The following C3orf70 variants were observed in gnomAD, a reference collection of about 807,000 sequenced individuals.
The protein encoded by C3orf70 is chromosome 3 open reading frame 70, also known as UPF0524 protein C3orf70.
Under a neutral mutation model 20.7 loss-of-function variants are expected in C3orf70, and 15 were observed. The observed-to-expected ratio is 0.72, with a 90% confidence interval of 0.48 to 1.11. C3orf70 has a LOEUF of 1.11. C3orf70 is among the 50% of genes most tolerant of loss of function. The pLI is 0.00. For missense variants in C3orf70, 332 were observed against 317.6 expected, an observed-to-expected ratio of 1.05 and a Z score of -0.34; for synonymous variants, 161 against 125.7, an observed-to-expected ratio of 1.28 and a Z score of -1.88.
Position 185,083,051 on chromosome 3 carries a change from G to C in C3orf70, c.709C>G (p.Gln237Glu), listed in dbSNP as rs1232140574. Residue 237 changes from glutamine (Q) to glutamate (E), a missense_variant, in exon 2 of 2, where the codon CAG (glutamine) becomes GAG (glutamate). Coordinates refer to ENST00000335012, the MANE Select transcript of C3orf70 (RefSeq NM_001025266.3). ...GTTTCAATCACTTCCAGGTCAGACT[G>C]CGAGGGGGAGAGAAGGGTGCACTCA... Reference protein sequence around the residue: ...PDECTLLSPSQSDLEVIETIE... With the variant: ...PDECTLLSPSESDLEVIETIE... 4 of 1,614,106 alleles carry C rather than the reference G, an allele frequency of 2.5e-6. No homozygotes were observed. The highest frequency in any genetic ancestry group is 2.2e-5 in the South Asian group (2 of 91,074).
At chr3:185,121,790 G>T (rs1295029235) in intron 1 of C3orf70, among the ~76,000 whole-genome samples, 1 of 152,114 alleles carries the variant, frequency 6.6e-6, no homozygotes, top group Non-Finnish European at 1.5e-5. Context: ...TGAAAATAAA[G>T]AAATAAATTG....
chr3:185,116,539 T>C (rs1236742551), intron 1 of C3orf70, among the ~76,000 whole-genome samples: 1 of 152,182 alleles, frequency 6.6e-6, no homozygotes, highest in Non-Finnish European at 1.5e-5. Flanking sequence ...CCCTGACCTC[T>C]TGCTCACTAG....
chr3:185,121,241 AG>A (rs1716291786), intron 1 of C3orf70, among the ~76,000 whole-genome samples: 1 of 152,040 alleles, frequency 6.6e-6, no homozygotes, highest in Non-Finnish European at 1.5e-5. Flanking sequence ...AAGGGTGGGA[AG>A]GGGATGTGGG....
chr3:185,106,697 G>T (rs1049089779), intron 1 of C3orf70, among the ~76,000 whole-genome samples: 1 of 152,238 alleles, frequency 6.6e-6, no homozygotes, highest in African/African-American at 2.4e-5. Context: ...CGCCACAGCC[G>T]GTAGTGCCGC....
chr3:185,135,505 G>C (rs1320337384), intron 1 of C3orf70, among the ~76,000 whole-genome samples: 1 of 152,142 alleles, frequency 6.6e-6, no homozygotes, highest in Non-Finnish European at 1.5e-5. Context: ...AAAGATGTGG[G>C]GAGGGGATGA....
intron 1 of C3orf70, among the ~76,000 whole-genome samples, chr3:185,114,245 G>C (rs896129832): frequency 6.6e-6 from 1 of 151,564 alleles, no homozygotes; most frequent in African/African-American, 2.4e-5. Context: ...AAAAATAACT[G>C]AAATACCATA....
chr3:185,152,176 G>A (rs1176363327), intron 1 of C3orf70, among the ~76,000 whole-genome samples: 4 of 152,154 alleles, frequency 2.6e-5, no homozygotes, highest in African/African-American at 9.7e-5. Context: ...TTAAATAGCA[G>A]CCCAGGAAGA....
chr3:185,130,979 A>G (rs1303832290), intron 1 of C3orf70, among the ~76,000 whole-genome samples: 4 of 152,190 alleles, frequency 2.6e-5, no homozygotes, highest in Non-Finnish European at 4.4e-5. Flanking sequence ...GTTATCTAGG[A>G]GTAGAATGGC....
rs1258924574 is a variant in C3orf70, at chr3:185,081,526, G to A, written c.*1481C>T. On this transcript the variant is annotated 3_prime_UTR_variant, in exon 2 of 2. Coordinates refer to ENST00000335012, the MANE Select transcript of C3orf70 (RefSeq NM_001025266.3). ...GCGCTTCTGGATAGTTAGGATGGAAGTACTGTTCTGTCTCCAACTCTGATG... is the reference window on the plus strand; with the variant it reads ...GCGCTTCTGGATAGTTAGGATGGAAATACTGTTCTGTCTCCAACTCTGATG... 6.6e-6 allele frequency: 1 copy of A among 152,190 alleles called. No individual in the cohort carries two copies. The highest frequency in any genetic ancestry group is 1.5e-5 in the Non-Finnish European group (1 of 68,046). 9.4% of individuals were successfully genotyped at this position (152,190 alleles called of 1,614,324 possible).
intron 1 of C3orf70, among the ~76,000 whole-genome samples, chr3:185,148,115 T>C (rs911488412): frequency 2.6e-5 from 4 of 152,194 alleles, no homozygotes; most frequent in African/African-American, 9.7e-5. Flanking sequence ...GCTTAATGGT[T>C]TTCTTTACTT....
chr3:185,112,840 A>G (rs1423438230), intron 1 of C3orf70, among the ~76,000 whole-genome samples: 1 of 152,170 alleles, frequency 6.6e-6, no homozygotes, highest in Non-Finnish European at 1.5e-5. Flanking sequence ...ATATCCCTGG[A>G]CTTTGCATGT....
chr3:185,095,504 A>G (rs917794606), intron 1 of C3orf70, among the ~76,000 whole-genome samples: 1 of 152,218 alleles, frequency 6.6e-6, no homozygotes, highest in Non-Finnish European at 1.5e-5. Context: ...TTTATTGATA[A>G]GGGGATGAAA....
At chr3:185,124,247 T>C (rs145883695) in intron 1 of C3orf70, among the ~76,000 whole-genome samples, 25 of 152,290 alleles carry the variant, frequency 1.6e-4, no homozygotes, top group African/African-American at 5.8e-4. Context: ...CAATCCCCCA[T>C]AGGTACCAAG....
intron 1 of C3orf70, among the ~76,000 whole-genome samples, chr3:185,139,188 G>C (rs539471331): frequency 4.0e-5 from 6 of 151,426 alleles, no homozygotes; most frequent in Admixed American, 2.0e-4. Context: ...GAAGGGGAGA[G>C]GGGGGAGGAG....
intron 1 of C3orf70, among the ~76,000 whole-genome samples, chr3:185,119,499 C>T (rs9822095): frequency 0.053 from 7,892 of 149,830 alleles, 666 homozygotes; most frequent in African/African-American, 0.18. Context: ...AAAAATACAG[C>T]CATTTTAACA....
rs567269118 is a variant in C3orf70, at chr3:185,152,925, G to C, written c.-102C>G. ...CTGCGGACGCGGGAGGGCGCGGCAC[G>C]GGCCGGGAGTCACGCCAGCACGCGG... is the stretch of plus-strand genomic sequence containing the variant. On this transcript the variant is annotated 5_prime_UTR_variant, in exon 1 of 2. Coordinates refer to ENST00000335012, the MANE Select transcript of C3orf70 (RefSeq NM_001025266.3). The C allele has an allele frequency of 8.7e-4, 965 of 1,109,744 alleles. 8 individuals carry two copies. In the African/African-American group the frequency reaches 0.015, roughly 17 times the overall value. The allele number at this position is 1,109,744 out of a possible 1,614,324, so 68.7% of individuals were successfully genotyped here.
chr3:185,094,620 T>C (rs557809040), intron 1 of C3orf70, among the ~76,000 whole-genome samples: 165 of 151,544 alleles, frequency 1.1e-3, no homozygotes, highest in Non-Finnish European at 2.0e-3. Context: ...TGAGAGAGGC[T>C]CCTTTTACGG....
chr3:185,114,697 T>C (rs1018255519), intron 1 of C3orf70, among the ~76,000 whole-genome samples: 3 of 152,218 alleles, frequency 2.0e-5, no homozygotes, highest in Non-Finnish European at 4.4e-5. Flanking sequence ...AGGGTTTTAC[T>C]GACTGAAAAA....
At chr3:185,095,461 A>G (rs1357885957) in intron 1 of C3orf70, among the ~76,000 whole-genome samples, 2 of 152,244 alleles carry the variant, frequency 1.3e-5, no homozygotes, top group Non-Finnish European at 2.9e-5. Flanking sequence ...AGAGTAAGCT[A>G]AGGGAACCAG....
Sources: gnomAD v4.1 joint callset for allele counts (sites outside exome capture counted in the v4.1 genomes callset) on GRCh38, gnomAD v4.1.1 for gene constraint, MANE v1.5 for transcripts, NCBI Gene and HGNC (gene_info 2026-07-23, HGNC 2026-07-21) for gene names.